AFF3: variants seen among roughly 807,000 people sequenced by gnomAD.
The protein encoded by AFF3 is AF4/FMR2 family member 3.
A neutral mutation model predicts 129.7 loss-of-function variants in AFF3; 32 were observed. The ratio of observed to expected loss-of-function variants is 0.25; its 90% confidence interval spans 0.19 to 0.33. The LOEUF is 0.33. Ranked by LOEUF, AFF3 falls within the 10% of genes least tolerant of loss-of-function variation. The pLI, the probability that AFF3 is intolerant of heterozygous loss-of-function variation, is 1.00. For synonymous variants in AFF3, 644 were observed against 635.4 expected (o/e 1.01, Z -0.20); for missense variants, 1,373 against 1,592.0 (o/e 0.86, Z 2.34).
At chr2:99,698,177 C>T (rs768060205) in intron 11 of AFF3, among the ~76,000 whole-genome samples, 2 of 152,232 alleles carry the variant, frequency 1.3e-5, no homozygotes, top group Non-Finnish European at 2.9e-5. Flanking sequence ...ACAATAATCT[C>T]TAGATAGGCA....
At chr2:99,592,495 C>A (rs1678784807) in intron 15 of AFF3, among the ~76,000 whole-genome samples, 1 of 152,230 alleles carries the variant, frequency 6.6e-6, no homozygotes, top group South Asian at 2.1e-4. Flanking sequence ...ATCAATGTCA[C>A]CCCATTCCTG....
At chr2:99,894,124 G>A (rs892983938) in intron 7 of AFF3, among the ~76,000 whole-genome samples, 1 of 151,588 alleles carries the variant, frequency 6.6e-6, no homozygotes, top group African/African-American at 2.4e-5. Context: ...AACCAGTAAT[G>A]GAACACTAGG....
intron 7 of AFF3, among the ~76,000 whole-genome samples, chr2:99,871,449 A>C (rs765284453): frequency 1.3e-5 from 2 of 152,152 alleles, no homozygotes; most frequent in Non-Finnish European, 2.9e-5. Context: ...ATTCTCTATG[A>C]TCCATCGCGA....
At chr2:99,730,013 T>C (rs1679685864) in intron 10 of AFF3, among the ~76,000 whole-genome samples, 1 of 152,152 alleles carries the variant, frequency 6.6e-6, no homozygotes. Flanking sequence ...TATATGCATA[T>C]ATGTAAATAT....
intron 8 of AFF3, among the ~76,000 whole-genome samples, chr2:99,787,596 G>A (rs538797273): frequency 1.3e-5 from 2 of 152,284 alleles, no homozygotes; most frequent in South Asian, 2.1e-4. Flanking sequence ...ATGAATTCCC[G>A]ATGATGTACG....
At chr2:99,944,191 G>A (rs1675339350) in intron 7 of AFF3, among the ~76,000 whole-genome samples, 1 of 152,172 alleles carries the variant, frequency 6.6e-6, no homozygotes, top group Admixed American at 6.5e-5. Context: ...ATGAAGCACT[G>A]CACCCGGCTC....
At chr2:99,885,054 C>T (rs1038742157) in intron 7 of AFF3, among the ~76,000 whole-genome samples, 9 of 152,186 alleles carry the variant, frequency 5.9e-5, no homozygotes, top group African/African-American at 1.9e-4. Flanking sequence ...GTTCAGTTCT[C>T]CAGACTCACC....
At chr2:100,133,865 G>A (rs557624855) in intron 1 of AFF3, among the ~76,000 whole-genome samples, 100 of 152,150 alleles carry the variant, frequency 6.6e-4, no homozygotes, top group African/African-American at 2.2e-3. Flanking sequence ...CCTGGGAGGC[G>A]GAGCTTGCAG....
At chr2:100,124,187 A>C (rs1490518312) in intron 2 of AFF3, among the ~76,000 whole-genome samples, 4 of 152,250 alleles carry the variant, frequency 2.6e-5, no homozygotes, top group Admixed American at 2.6e-4. Context: ...GAGATCCTTG[A>C]AGATGCGTCT....
At position 99,567,181 on chromosome 2, in the gene AFF3, T is replaced by C. The variant is rs548113351; in HGVS notation, c.2983-1558A>G. ...TTTTAGTAGAAACAGGGTTTCACCA[T>C]GTTGGCCAGGCTGGTCTCGAACTCC... On this transcript the variant is annotated intron_variant, in intron 19 of 24. Transcript: ENST00000672756. 2.1e-3 allele frequency among the ~76,000 whole-genome samples: 315 copies of C among 150,554 alleles called. 2 individuals are homozygous for C. The highest frequency in any genetic ancestry group is 7.5e-3 in the African/African-American group (306 of 40,874).
intron 13 of AFF3, among the ~76,000 whole-genome samples, chr2:99,616,450 A>G (rs752175667): frequency 3.2e-4 from 49 of 152,282 alleles, no homozygotes; most frequent in Non-Finnish European, 5.9e-4. Context: ...AACTATCACC[A>G]TGATCTAATT....
intron 13 of AFF3, among the ~76,000 whole-genome samples, chr2:99,613,770 C>T (rs894004003): frequency 2.5e-4 from 38 of 152,158 alleles, no homozygotes; most frequent in African/African-American, 8.4e-4. Context: ...GCAGCCTTTG[C>T]GACTATCATT....
intron 18 of AFF3, among the ~76,000 whole-genome samples, chr2:99,576,824 G>A (rs964605313): frequency 6.6e-6 from 1 of 152,024 alleles, no homozygotes; most frequent in African/African-American, 2.4e-5. Flanking sequence ...TTTACAAATG[G>A]CTGAAGTTCA....
intron 10 of AFF3, among the ~76,000 whole-genome samples, chr2:99,729,150 G>A (rs1679602207): frequency 6.6e-6 from 1 of 152,116 alleles, no homozygotes; most frequent in South Asian, 2.1e-4. Context: ...CCATCTTAAT[G>A]AAGAATGTAA....
chr2:99,791,913 T>C (rs1459993639), intron 8 of AFF3, among the ~76,000 whole-genome samples: 3 of 152,058 alleles, frequency 2.0e-5, no homozygotes, highest in African/African-American at 7.2e-5. Context: ...GCAAAAAAGT[T>C]GTGATGTCCC....
At chr2:99,594,366 C>G in intron 14 of AFF3, 77 bp from the exon 15 acceptor site, 1 of 1,519,056 alleles carries the variant, frequency 6.6e-7, no homozygotes, top group South Asian at 1.3e-5. Flanking sequence ...CTGTTTTTAT[C>G]TTGACTTACT....
At chr2:99,764,356 C>A (rs1682841694) in intron 8 of AFF3, among the ~76,000 whole-genome samples, 1 of 152,162 alleles carries the variant, frequency 6.6e-6, no homozygotes, top group African/African-American at 2.4e-5. Context: ...ATACAGTCTT[C>A]ACCTTAAAAG....
chr2:99,820,364 G>C (rs780858098), intron 8 of AFF3, among the ~76,000 whole-genome samples: 7 of 152,068 alleles, frequency 4.6e-5, no homozygotes, highest in Non-Finnish European at 8.8e-5. Context: ...CATAGAAAAG[G>C]TGCAGTAAAA....
At chr2:100,106,367 AAT>A (rs1691292524) in intron 2 of AFF3, 4 of 1,131,980 alleles carry the variant, frequency 3.5e-6, no homozygotes, top group Non-Finnish European at 3.3e-6. Flanking sequence ...AGAGAATATG[AAT>A]ATAGGAAAAA....
Sources: gnomAD v4.1 joint callset for allele counts (sites outside exome capture counted in the v4.1 genomes callset) on GRCh38, gnomAD v4.1.1 for gene constraint, MANE v1.5 for transcripts, NCBI Gene and HGNC (gene_info 2026-07-23, HGNC 2026-07-21) for gene names.